ZNG1E: variants seen among roughly 807,000 people sequenced by gnomAD.
The protein encoded by ZNG1E is zinc-regulated GTPase metalloprotein activator 1E.
At chr9:65,660,930 G>A in the ZNG1E span, among the ~76,000 whole-genome samples, 757 of 123,936 alleles carry the variant, frequency 6.1e-3, no homozygotes, top group African/African-American at 0.013. Flanking sequence ...GAGCTTACAA[G>A]AATGAAGCAG....
the ZNG1E span, among the ~76,000 whole-genome samples, chr9:65,665,178 A>T: frequency 8.6e-3 from 1,299 of 151,656 alleles, no homozygotes; most frequent in African/African-American, 0.029. Context: ...TCCCCAAGAC[A>T]ATGGGGAAAG....
At chr9:65,707,237 G>T in the ZNG1E span, 3 of 134,548 alleles carry the variant, frequency 2.2e-5, no homozygotes, top group Admixed American at 1.6e-4. Context: ...CAAACTCCTG[G>T]CCTCAAAGTG....
At chr9:65,700,022 T>C in the ZNG1E span, among the ~76,000 whole-genome samples, 2 of 150,814 alleles carry the variant, frequency 1.3e-5, no homozygotes, top group Non-Finnish European at 2.9e-5. Context: ...ATGTGAAATC[T>C]GAACTTGCAT....
At chr9:65,713,602 C>G in the ZNG1E span, among the ~76,000 whole-genome samples, 1 of 151,280 alleles carries the variant, frequency 6.6e-6, no homozygotes, top group Non-Finnish European at 1.5e-5. Context: ...TTTTATTTCT[C>G]CTTCACTTAT....
At chr9:65,709,345 A>T in the ZNG1E span, among the ~76,000 whole-genome samples, 19 of 151,026 alleles carry the variant, frequency 1.3e-4, no homozygotes, top group African/African-American at 3.2e-4. Flanking sequence ...GTTTTTTTTT[A>T]AATTTATTTA....
chr9:65,730,913 CAGTG>C, the ZNG1E span, among the ~76,000 whole-genome samples: 2 of 139,080 alleles, frequency 1.4e-5, no homozygotes, highest in South Asian at 2.4e-4. Context: ...TTGGGGTAGA[CAGTG>C]AGAGATTTAT....
chr9:65,716,345 A>T, the ZNG1E span, among the ~76,000 whole-genome samples: 4 of 149,950 alleles, frequency 2.7e-5, no homozygotes, highest in Non-Finnish European at 4.4e-5. Flanking sequence ...TTCTGTAAGC[A>T]TGGGGTCTTG....
chr9:65,659,914 C>A, the ZNG1E span, among the ~76,000 whole-genome samples: 1 of 151,296 alleles, frequency 6.6e-6, no homozygotes, highest in Non-Finnish European at 1.5e-5. Context: ...GATTACTGAA[C>A]GAGCCACCCC....
At chr9:65,703,658 G>A in the ZNG1E span, 10 of 954,450 alleles carry the variant, frequency 1.0e-5, no homozygotes, top group Non-Finnish European at 1.2e-5. Flanking sequence ...GCAACAGGCA[G>A]CCAGGAGCTC....
the ZNG1E span, among the ~76,000 whole-genome samples, chr9:65,698,990 G>A: frequency 0.032 from 3,139 of 99,370 alleles, no homozygotes; most frequent in Admixed American, 0.055. Context: ...AGGTTCAAGC[G>A]ATTCTCCTGC....
At chr9:65,693,175 A>G in the ZNG1E span, among the ~76,000 whole-genome samples, 1 of 152,090 alleles carries the variant, frequency 6.6e-6, no homozygotes, top group Non-Finnish European at 1.5e-5. Context: ...TAGGATTAGT[A>G]AGAAGACTCT....
At chr9:65,691,175 T>A in the ZNG1E span, 1 of 1,101,242 alleles carries the variant, frequency 9.1e-7, no homozygotes. Context: ...CTTTACCTCC[T>A]GGGTTCAAGT....
At chr9:65,722,697 A>ATTTTTTTTTTTTTTT in the ZNG1E span, among the ~76,000 whole-genome samples, 27 of 8,400 alleles carry the variant, frequency 3.2e-3, 7 homozygotes, top group South Asian at 0.014. Flanking sequence ...TGCCTAGCTA[A>ATTTTTTTTTTTTTTT]TTTTTTTTTT....
the ZNG1E span, among the ~76,000 whole-genome samples, chr9:65,687,897 C>A: frequency 9.3e-5 from 14 of 150,576 alleles, no homozygotes. Context: ...AATCATTTTT[C>A]CCTAAATTAT....
chr9:65,673,962 G>A, the ZNG1E span, among the ~76,000 whole-genome samples: 165 of 152,300 alleles, frequency 1.1e-3, no homozygotes, highest in African/African-American at 3.8e-3. Context: ...CAAGCAAATA[G>A]TGTGATGACT....
chr9:65,714,332 G>A, the ZNG1E span, among the ~76,000 whole-genome samples: 143 of 151,544 alleles, frequency 9.4e-4, no homozygotes, highest in Middle Eastern at 3.4e-3. Flanking sequence ...TAATTTGATC[G>A]TCTGAAGCCT....
the ZNG1E span, among the ~76,000 whole-genome samples, chr9:65,717,316 G>A: frequency 5.4e-5 from 8 of 149,046 alleles, no homozygotes; most frequent in Non-Finnish European, 1.0e-4. Context: ...ATTTAAAAAT[G>A]GTCTTTTTTT....
the ZNG1E span, among the ~76,000 whole-genome samples, chr9:65,673,777 G>C: frequency 1.3e-5 from 2 of 152,296 alleles, no homozygotes; most frequent in Admixed American, 6.5e-5. Context: ...TGCAATCCCT[G>C]CTGGGCGACA....
At chr9:65,728,518 C>T in the ZNG1E span, among the ~76,000 whole-genome samples, 1 of 148,456 alleles carries the variant, frequency 6.7e-6, no homozygotes, top group African/African-American at 2.6e-5. Flanking sequence ...CAAATAAGCT[C>T]AAGAAATGAA....
Sources: allele counts gnomAD v4.1 joint callset (sites outside exome capture counted in the v4.1 genomes callset), GRCh38; gene constraint gnomAD v4.1.1; transcripts MANE v1.5; gene names NCBI Gene and HGNC (gene_info 2026-07-23, HGNC 2026-07-21).